The following NPPA variants were observed in gnomAD, a reference collection of about 807,000 sequenced individuals.
NPPA encodes the protein natriuretic peptide A.
NPPA carries 10 observed loss-of-function variants against 12.2 expected under a neutral mutation model. That is an observed-to-expected ratio of 0.82 (90% confidence interval 0.50 to 1.38). NPPA has a LOEUF of 1.38. NPPA is among the 40% of genes most tolerant of loss of function. NPPA has a pLI of 0.00. For synonymous variants in NPPA, 85 were observed against 80.2 expected (o/e 1.06, Z -0.32); for missense variants, 207 against 193.5 (o/e 1.07, Z -0.41).
At chr1:11,846,743 G>A (rs1030784209) in intron 2 of NPPA, among the ~76,000 whole-genome samples, 5 of 150,954 alleles carry the variant, frequency 3.3e-5, no homozygotes, top group Non-Finnish European at 7.4e-5. Flanking sequence ...AGCCTCCCAA[G>A]TAGCTGAGAG....
rs1299865623 is a variant in NPPA at position 11,847,233 on chromosome 1, G to A, written c.330C>T (p.Leu110=). 2 of 1,612,576 alleles carry A rather than the reference G, an allele frequency of 1.2e-6. No homozygotes were observed. The highest frequency in any genetic ancestry group is 1.7e-6 in the Non-Finnish European group (2 of 1,178,786). ...GCAGCGCCCTCAGCTTGCTTTTTAGGAGGGCAGATCGATCAGAGGAGTCCC... is the reference window on the plus strand; with the variant it reads ...GCAGCGCCCTCAGCTTGCTTTTTAGAAGGGCAGATCGATCAGAGGAGTCCC... ...GPWDSSDRSA[L]LKSKLRALLT... The change falls in exon 2 of 3, where the codon CTC becomes CTT. Residue 110 remains leucine, a synonymous_variant. Coordinates refer to ENST00000376480, the MANE Select transcript of NPPA (RefSeq NM_006172.4).
intron 2 of NPPA, 67 bp from the exon 3 acceptor site, chr1:11,846,081 A>G (rs184151627): frequency 4.5e-6 from 7 of 1,539,878 alleles, no homozygotes; most frequent in Non-Finnish European, 5.4e-6. Flanking sequence ...AGCTTCATGT[A>G]TGAGTGTGCC....
intron 2 of NPPA, among the ~76,000 whole-genome samples, chr1:11,846,233 G>A (rs1645067332): frequency 6.6e-6 from 1 of 152,100 alleles, no homozygotes; most frequent in South Asian, 2.1e-4. Flanking sequence ...TTGCAATTCT[G>A]GGGAGGAATA....
Position 11,846,018 on chromosome 1 carries a change from C to A in NPPA, c.451-4G>T, listed in dbSNP as rs1645066196. 3 of 1,613,908 alleles carry A rather than the reference C, an allele frequency of 1.9e-6. No individual in the cohort carries two copies. In the African/African-American group the frequency reaches 4.0e-5, roughly 22 times the overall value. ...TCCCTGGCTGTTATCTTCAGTACTGCAAAGAGAACACAGACATATCTGGCT... is the reference window on the plus strand; with the variant it reads ...TCCCTGGCTGTTATCTTCAGTACTGAAAAGAGAACACAGACATATCTGGCT... On this transcript the variant is annotated splice_region_variant and splice_polypyrimidine_tract_variant and intron_variant, in intron 2 of 2. Transcript: ENST00000376480.
chr1:11,846,119 C>T, intron 2 of NPPA, 105 bp from the exon 3 acceptor site: 1 of 1,132,032 alleles, frequency 8.8e-7, no homozygotes, highest in Admixed American at 1.7e-5. Flanking sequence ...TACTGACCAC[C>T]TGCTTCCCAC....
At chr1:11,846,250 G>A (rs185825268) in intron 2 of NPPA, among the ~76,000 whole-genome samples, 1 of 151,574 alleles carries the variant, frequency 6.6e-6, no homozygotes, top group East Asian at 1.9e-4. Context: ...AATATGAACT[G>A]CTAATCAGCC....
intron 2 of NPPA, among the ~76,000 whole-genome samples, chr1:11,846,824 CAGG>C (rs1645071817): frequency 6.6e-6 from 1 of 151,682 alleles, no homozygotes; most frequent in Admixed American, 6.6e-5. Context: ...CCATGTTGGC[CAGG>C]ATAGTCTTGA....
chr1:11,846,006 T>C lies in NPPA; in HGVS notation c.*3A>G, dbSNP rs750164277. On this transcript the variant is annotated 3_prime_UTR_variant, in exon 3 of 3. Transcript: ENST00000376480. The stretch of plus-strand genomic sequence containing the variant: ...CCCTGCTTGTCCTCCCTGGCTGTTA[T>C]CTTCAGTACTGCAAAGAGAACACAG... 1.2e-6 allele frequency: 2 copies of C among 1,614,102 alleles called. No individual in the cohort carries two copies. Among genetic ancestry groups the C allele is most frequent in the South Asian group, 1.1e-5 (1 of 91,076 alleles).
rs1005191711 is a variant in NPPA, at chr1:11,847,108, C to G, written c.450+5G>C. On this transcript the variant is annotated splice_donor_5th_base_variant and intron_variant, in intron 2 of 2. Transcript: ENST00000376480. ...CATCCCATTTCCATCCCCAGTTCCT[C>G]TTACCCGGAAGCTGTTACAGCCCAG... is the stretch of plus-strand genomic sequence containing the variant. 2 of 1,525,242 alleles carry G rather than the reference C, an allele frequency of 1.3e-6. No individual in the cohort carries two copies. The highest frequency in any genetic ancestry group is 8.8e-7 in the Non-Finnish European group (1 of 1,138,056). The allele number at this position is 1,525,242 out of a possible 1,614,324, so 94.5% of individuals were successfully genotyped here. A position where few individuals can be genotyped will look rare whatever the true frequency, so the allele number is the denominator to read the frequency against.
chr1:11,847,522 G>A, intron 1 of NPPA, 40 bp downstream of exon 1: 1 of 1,614,126 alleles, frequency 6.2e-7, no homozygotes, highest in Non-Finnish European at 8.5e-7. Context: ...GCATCAGAAA[G>A]CCCCCTGGCC....
In NPPA at chr1:11,847,749, G is replaced by A. The variant is rs922930112; in HGVS notation, c.-65C>T. ...GTCTCTCCCCTCTGGTTCCTCTCTG[G>A]TTCCCCTCTCTTGGCCTACGTCTGT... On this transcript the variant is annotated 5_prime_UTR_variant, in exon 1 of 3. Coordinates refer to ENST00000376480, the MANE Select transcript of NPPA (RefSeq NM_006172.4). 2.5e-6 allele frequency: 4 copies of A among 1,611,306 alleles called. No individual in the cohort carries two copies. The highest frequency in any genetic ancestry group is 1.7e-5 in the Admixed American group (1 of 60,008).
chr1:11,846,948 G>A (rs1645073088), intron 2 of NPPA, among the ~76,000 whole-genome samples, 165 bp downstream of exon 2: 1 of 144,596 alleles, frequency 6.9e-6, no homozygotes. Context: ...TTTCTCAGCA[G>A]ACTAGCTAAG....
rs1645063416 is a variant in NPPA at position 11,845,720 on chromosome 1, T to TCCATG, written c.*284_*288dup. On this transcript the variant is annotated 3_prime_UTR_variant, in exon 3 of 3. Transcript: ENST00000376480. ...CACCAACGCAGGCATTTGTCTTCTGTCCATGGTGCTGAAGTTTATTCACTT... is the reference window on the plus strand; with the variant it reads ...CACCAACGCAGGCATTTGTCTTCTGTCCATGCCATGGTGCTGAAGTTTATTCACTT... The TCCATG allele has an allele frequency of 2.1e-6, 1 of 483,476 alleles. No individual in the cohort carries two copies. Among genetic ancestry groups the TCCATG allele is most frequent in the Non-Finnish European group, 3.7e-6 (1 of 266,954 alleles). 29.9% of individuals were successfully genotyped at this position (483,476 alleles called of 1,614,324 possible).
At position 11,847,603 on chromosome 1, in the gene NPPA, T is replaced by A. The variant is rs1205868073; in HGVS notation, c.82A>T (p.Met28Leu). The A allele has an allele frequency of 6.2e-7, 1 of 1,614,072 alleles. No individual in the cohort carries two copies. The highest frequency in any genetic ancestry group is 1.7e-5 in the Admixed American group (1 of 60,004). Residue 28 changes from methionine to leucine, a missense_variant, in exon 1 of 3, where the codon ATG (methionine) becomes TTG (leucine). Physicochemically the swap from Met to Leu is conservative, Grantham distance 15 (BLOSUM62 2). Transcript: ENST00000376480. ...TCTGCGTTGGACACGGCATTGTACA[T>A]GGGATTAGCTCTGGTCTGACCTAGG... ...QLLGQTRANP[M>L]YNAVSNADLM...
At position 11,847,567 on chromosome 1, in the gene NPPA, A is replaced by G. The variant is rs1645078375; in HGVS notation, c.118T>C (p.Phe40Leu). The G allele has an allele frequency of 1.9e-6, 3 of 1,614,170 alleles. No homozygotes were observed. Among genetic ancestry groups the G allele is most frequent in the Non-Finnish European group, 2.5e-6 (3 of 1,180,046 alleles). ...ACCCGCTTTCCTGGCCCTACCTTGA[A>G]ATCCATCAGGTCTGCGTTGGACACG... ...NAVSNADLMD[F>L]KNLLDHLEEK... The change falls in exon 1 of 3, where the codon TTC (phenylalanine) becomes CTC (leucine). Residue 40 changes from phenylalanine to leucine, a missense_variant. Coordinates refer to ENST00000376480, the MANE Select transcript of NPPA (RefSeq NM_006172.4).
intron 2 of NPPA, among the ~76,000 whole-genome samples, chr1:11,846,560 TCCACCCGCCTTGGCCTC>T (rs1645070017): frequency 6.6e-6 from 1 of 151,446 alleles, no homozygotes; most frequent in Admixed American, 6.6e-5. Context: ...GACCTCGTGA[TCCACCCGCCTTGGCCTC>T]CCAAAGCGCT....
In NPPA at chr1:11,845,770, AGGTTCTACCTTAAAATTTAATGCATGG is replaced by A; in HGVS notation, c.*212_*238del. On this transcript the variant is annotated 3_prime_UTR_variant, in exon 3 of 3. Transcript: ENST00000376480. ...TTCAAACCACTTTCAGTAACAGGTG[AGGTTCTACCTTAAAATTTAATGCATGG>A]GGTGGGAGAGGCGAGGAAGTCACCA... The A allele has an allele frequency of 1.7e-6, 1 of 581,604 alleles. No individual in the cohort carries two copies. The highest frequency in any genetic ancestry group is 2.1e-5 in the South Asian group (1 of 47,360). 36.0% of individuals were successfully genotyped at this position (581,604 alleles called of 1,614,324 possible). A position where few individuals can be genotyped will look rare whatever the true frequency, so the allele number is the denominator to read the frequency against.
At chr1:11,846,142 C>T in intron 2 of NPPA, 128 bp from the exon 3 acceptor site, 1 of 867,572 alleles carries the variant, frequency 1.2e-6, no homozygotes, top group South Asian at 1.3e-5. Flanking sequence ...GCCCCCACCC[C>T]AGCCTGATGA....
Position 11,845,967 on chromosome 1 carries a change from G to A in NPPA, c.*42C>T. 6.2e-7 allele frequency: 1 copy of A among 1,607,950 alleles called. No individual in the cohort carries two copies. The highest frequency in any genetic ancestry group is 8.5e-7 in the Non-Finnish European group (1 of 1,174,382). ...AGGGGACAGGAGCCTCTTGCAGTCT[G>A]TCCCTAGGCCCAGCCCTGCTTGTCC... On this transcript the variant is annotated 3_prime_UTR_variant, in exon 3 of 3. Transcript: ENST00000376480.
Sources: gnomAD v4.1 joint callset for allele counts (sites outside exome capture counted in the v4.1 genomes callset) on GRCh38, gnomAD v4.1.1 for gene constraint, MANE v1.5 for transcripts, NCBI Gene and HGNC (gene_info 2026-07-23, HGNC 2026-07-21) for gene names.